LBH: variants seen among roughly 807,000 people sequenced by gnomAD.
LBH encodes LBH regulator of Wnt signaling pathway.
A neutral mutation model predicts 12.5 loss-of-function variants in LBH; 7 were observed. The observed-to-expected ratio is 0.56, with a 90% CI of 0.32 to 1.05. The LOEUF is 1.05. Among genes scored for constraint, LBH ranks in the 50% least tolerant of loss-of-function variants. The pLI is 0.04. For missense variants in LBH, 119 were observed against 138.9 expected, an observed-to-expected ratio of 0.86 and a Z score of 0.72; for synonymous variants, 51 against 50.1, an observed-to-expected ratio of 1.02 and a Z score of -0.08.
Position 30,257,713 on chromosome 2 carries a change from A to G in LBH, c.*92A>G, listed in dbSNP as rs770540789. On this transcript the variant is annotated 3_prime_UTR_variant, in exon 3 of 3. Transcript: ENST00000395323. ...TGACGGAAGAAGAGAGTGAGCCGCA[A>G]TTGTTCTGAAAATGTCAAACGAGGC... 2 of 937,666 alleles carry G rather than the reference A, an allele frequency of 2.1e-6. No homozygotes were observed. Among genetic ancestry groups the G allele is most frequent in the African/African-American group, 1.7e-5 (1 of 58,764 alleles). 58.1% of individuals were successfully genotyped at this position (937,666 alleles called of 1,614,324 possible).
chr2:30,257,865 C>T lies in LBH; in HGVS notation c.*244C>T. The T allele has an allele frequency of 1.4e-5, 5 of 358,958 alleles. No individual in the cohort carries two copies. Among genetic ancestry groups the T allele is most frequent in the Non-Finnish European group, 2.0e-5 (4 of 200,488 alleles). The allele number at this position is 358,958 out of a possible 1,614,324, so 22.2% of individuals were successfully genotyped here. ...CAAGGCCCTCTGAGAAAGGAAGCTG[C>T]TTAGAGCCAGGGGGTTAGTGGGTGA... is the stretch of plus-strand genomic sequence containing the variant. On this transcript the variant is annotated 3_prime_UTR_variant, in exon 3 of 3. Transcript: ENST00000395323.
chr2:30,257,690 A>T lies in LBH; in HGVS notation c.*69A>T. The T allele has an allele frequency of 8.1e-7, 1 of 1,231,290 alleles. No individual in the cohort carries two copies. Among genetic ancestry groups the T allele is most frequent in the South Asian group, 1.6e-5 (1 of 63,068 alleles). 76.3% of individuals were successfully genotyped at this position (1,231,290 alleles called of 1,614,324 possible). A position where few individuals can be genotyped will look rare whatever the true frequency, so the allele number is the denominator to read the frequency against. ...CCTGAACTGTGTTTTTCCCATCATG[A>T]CGGAAGAAGAGAGTGAGCCGCAATT... On this transcript the variant is annotated 3_prime_UTR_variant, in exon 3 of 3. Coordinates refer to ENST00000395323, the MANE Select transcript of LBH (RefSeq NM_030915.4).
chr2:30,257,469 A>G lies in LBH; in HGVS notation c.166A>G (p.Lys56Glu), dbSNP rs1678105051. 1 of 1,614,048 alleles carries G rather than the reference A, an allele frequency of 6.2e-7. No individual in the cohort carries two copies. The highest frequency in any genetic ancestry group is 8.5e-7 in the Non-Finnish European group (1 of 1,179,986). ...CCCGTCAGATTTTGACCGCTGCTGC[A>G]AACTGAAGGACCGTCTGCCCTCCAT... ...PDPSDFDRCCKLKDRLPSIVV... is the reference protein window; with the variant it reads ...PDPSDFDRCCELKDRLPSIVV... The change falls in exon 3 of 3, where the codon AAA becomes GAA. Residue 56 changes from lysine (K) to glutamate (E), a missense_variant. By Grantham distance (56) the Lys-to-Glu change is moderately conservative (BLOSUM62 1). Coordinates refer to ENST00000395323, the MANE Select transcript of LBH (RefSeq NM_030915.4).
At chr2:30,247,821 G>A (rs1677901359) in intron 2 of LBH, among the ~76,000 whole-genome samples, 1 of 152,168 alleles carries the variant, frequency 6.6e-6, no homozygotes, top group Admixed American at 6.5e-5. Flanking sequence ...TAATCGTGAG[G>A]GTGAGCTGGC....
chr2:30,232,497 T>G, intron 1 of LBH: 1 of 321,500 alleles, frequency 3.1e-6, no homozygotes, highest in Non-Finnish European at 5.7e-6. Context: ...GGCCCCTGAC[T>G]GCTGGGACTT....
At chr2:30,244,767 G>A (rs772032603) in intron 2 of LBH, among the ~76,000 whole-genome samples, 13 of 152,202 alleles carry the variant, frequency 8.5e-5, no homozygotes, top group South Asian at 2.1e-4. Context: ...TTAGCCAGGC[G>A]TGGTGGTGTG....
At chr2:30,243,718 C>T (rs899127073) in intron 2 of LBH, among the ~76,000 whole-genome samples, 5 of 151,836 alleles carry the variant, frequency 3.3e-5, no homozygotes, top group Non-Finnish European at 5.9e-5. Flanking sequence ...TTAGTGGAGA[C>T]GGGTTTCTCC....
intron 2 of LBH, among the ~76,000 whole-genome samples, chr2:30,240,842 C>T (rs1677778306): frequency 6.6e-6 from 1 of 152,196 alleles, no homozygotes; most frequent in Admixed American, 6.5e-5. Context: ...TTAGCTGAAA[C>T]TCATACACTT....
chr2:30,232,363 G>T, intron 1 of LBH: 1 of 1,082,926 alleles, frequency 9.2e-7, no homozygotes, highest in East Asian at 3.0e-5. Flanking sequence ...CACATTGGTG[G>T]GGGCCGGGAC....
intron 2 of LBH, among the ~76,000 whole-genome samples, chr2:30,249,244 G>A (rs1677931059): frequency 2.0e-5 from 3 of 152,358 alleles, no homozygotes; most frequent in Admixed American, 2.0e-4. Flanking sequence ...AATAGCAGGA[G>A]GCAAGTATTT....
At chr2:30,231,800 G>C in intron 1 of LBH, 36 bp downstream of exon 1, 1 of 1,541,230 alleles carries the variant, frequency 6.5e-7, no homozygotes, top group Non-Finnish European at 8.7e-7. Flanking sequence ...CGTCTGTCTC[G>C]CGGCGGTGGC....
intron 2 of LBH, among the ~76,000 whole-genome samples, chr2:30,250,224 A>G (rs1197425751): frequency 1.3e-5 from 2 of 152,154 alleles, no homozygotes; most frequent in African/African-American, 4.8e-5. Context: ...TTTTGTCCAC[A>G]GTGCCTTAGG....
chr2:30,233,985 A>T (rs1448460002), intron 1 of LBH, among the ~76,000 whole-genome samples: 1 of 152,208 alleles, frequency 6.6e-6, no homozygotes. Flanking sequence ...CCCTTTGGAA[A>T]GTTCATGTGA....
chr2:30,245,152 T>G (rs1677850513), intron 2 of LBH, among the ~76,000 whole-genome samples: 1 of 152,122 alleles, frequency 6.6e-6, no homozygotes, highest in African/African-American at 2.4e-5. Flanking sequence ...ATATATTACA[T>G]CAAGAAAAAA....
intron 2 of LBH, among the ~76,000 whole-genome samples, chr2:30,238,132 C>T (rs1047810874): frequency 6.6e-6 from 1 of 152,186 alleles, no homozygotes; most frequent in African/African-American, 2.4e-5. Context: ...GGGTCTCCTT[C>T]GATGCTGTGC....
At chr2:30,236,869 G>A (rs1001107000) in intron 2 of LBH, among the ~76,000 whole-genome samples, 2 of 152,218 alleles carry the variant, frequency 1.3e-5, no homozygotes, top group Non-Finnish European at 2.9e-5. Context: ...GACTTTGAGA[G>A]GGCAGTTCCA....
chr2:30,252,552 C>T (rs1025657589), intron 2 of LBH, among the ~76,000 whole-genome samples: 1 of 152,164 alleles, frequency 6.6e-6, no homozygotes, highest in Non-Finnish European at 1.5e-5. Flanking sequence ...GTCGAAGCTA[C>T]TCAGGAGGCT....
chr2:30,257,509 C>T lies in LBH; in HGVS notation c.206C>T (p.Thr69Ile), dbSNP rs1678105731. 6.2e-7 allele frequency: 1 copy of T among 1,614,250 alleles called. No individual in the cohort carries two copies. Among genetic ancestry groups the T allele is most frequent in the South Asian group, 1.1e-5 (1 of 91,090 alleles). ...DRLPSIVVEP[T>I]EGEVESGELR... is the part of the protein sequence containing the mutation. ...CTGCCCTCCATAGTGGTGGAACCCA[C>T]AGAAGGGGAGGTGGAGAGCGGGGAG... The change falls in exon 3 of 3, where the codon ACA becomes ATA. Residue 69 changes from threonine to isoleucine, a missense_variant. Transcript: ENST00000395323.
chr2:30,233,589 T>A (rs565281398), intron 1 of LBH, among the ~76,000 whole-genome samples: 1 of 152,394 alleles, frequency 6.6e-6, no homozygotes, highest in African/African-American at 2.4e-5. Context: ...CACGGGATCC[T>A]GTATGTGCCC....
Sources: gnomAD v4.1 joint callset for allele counts (sites outside exome capture counted in the v4.1 genomes callset) on GRCh38, gnomAD v4.1.1 for gene constraint, MANE v1.5 for transcripts, NCBI Gene and HGNC (gene_info 2026-07-23, HGNC 2026-07-21) for gene names.